Variants in WWOX observed in about 807,000 individuals in gnomAD.
WWOX encodes WW domain-containing oxidoreductase.
A neutral mutation model predicts 46.2 loss-of-function variants in WWOX; 69 were observed. The ratio of observed to expected loss-of-function variants is 1.49; its 90% confidence interval spans 1.23 to 1.82. WWOX has a LOEUF of 1.82. Among genes scored for constraint, WWOX ranks in the 40% most tolerant of loss-of-function variants. The pLI is 0.00. For missense variants in WWOX, 919 were observed against 542.6 expected (o/e 1.69, Z -6.89); for synonymous variants, 359 against 202.6 (o/e 1.77, Z -6.56).
intron 8 of WWOX, among the ~76,000 whole-genome samples, chr16:78,677,579 C>T (rs968482648): frequency 6.6e-6 from 1 of 152,304 alleles, no homozygotes; most frequent in Admixed American, 6.5e-5. Flanking sequence ...CATGCAACCC[C>T]CAAAACTCCA....
At chr16:78,631,864 T>C (rs1315060526) in intron 8 of WWOX, among the ~76,000 whole-genome samples, 3 of 152,206 alleles carry the variant, frequency 2.0e-5, no homozygotes, top group African/African-American at 7.2e-5. Flanking sequence ...TAGGAGAAGC[T>C]TGCTCTCTTT....
At chr16:79,210,065 G>C (rs571548770) in intron 8 of WWOX, among the ~76,000 whole-genome samples, 2 of 152,186 alleles carry the variant, frequency 1.3e-5, no homozygotes, top group East Asian at 1.9e-4. Context: ...TTCAGGACCA[G>C]TGGAACTTGT....
At chr16:79,067,534 G>C (rs1299548759) in intron 8 of WWOX, among the ~76,000 whole-genome samples, 15 of 148,910 alleles carry the variant, frequency 1.0e-4, no homozygotes, top group Non-Finnish European at 1.5e-5. Flanking sequence ...CTCCTCACTA[G>C]AGACCTTCCC....
At chr16:79,034,928 T>G (rs928736481) in intron 8 of WWOX, among the ~76,000 whole-genome samples, 2 of 152,182 alleles carry the variant, frequency 1.3e-5, no homozygotes, top group African/African-American at 4.8e-5. Context: ...GCAAATGATC[T>G]TCTAGTAGGA....
chr16:78,760,379 C>T (rs1597564739), intron 8 of WWOX, among the ~76,000 whole-genome samples: 2 of 152,130 alleles, frequency 1.3e-5, no homozygotes, highest in Non-Finnish European at 2.9e-5. Flanking sequence ...ACAGCCAAAC[C>T]ATATCACAGG....
At chr16:78,331,967 C>G (rs1385231959) in intron 5 of WWOX, among the ~76,000 whole-genome samples, 1 of 152,106 alleles carries the variant, frequency 6.6e-6, no homozygotes, top group Non-Finnish European at 1.5e-5. Flanking sequence ...TAGCTGACTC[C>G]AAAGCTGTGT....
At chr16:78,586,253 T>C (rs951671209) in intron 8 of WWOX, among the ~76,000 whole-genome samples, 1 of 152,160 alleles carries the variant, frequency 6.6e-6, no homozygotes, top group Admixed American at 6.6e-5. Context: ...GCCAAGATCA[T>C]GCCACTGCAT....
intron 8 of WWOX, among the ~76,000 whole-genome samples, chr16:78,978,749 G>A (rs2046621992): frequency 6.6e-6 from 1 of 152,188 alleles, no homozygotes; most frequent in South Asian, 2.1e-4. Context: ...CGAATCGCAT[G>A]AGAACTCTCT....
intron 8 of WWOX, among the ~76,000 whole-genome samples, chr16:78,694,861 A>C (rs981960005): frequency 4.0e-5 from 6 of 151,374 alleles, no homozygotes; most frequent in African/African-American, 1.5e-4. Context: ...ATGTATCTTT[A>C]CATCTGCTTC....
At chr16:78,781,840 G>A (rs561787340) in intron 8 of WWOX, among the ~76,000 whole-genome samples, 3 of 152,302 alleles carry the variant, frequency 2.0e-5, no homozygotes, top group Admixed American at 6.5e-5. Context: ...TGACGATGAT[G>A]GTAGCAGTTA....
intron 8 of WWOX, among the ~76,000 whole-genome samples, chr16:78,914,066 A>G (rs2045182187): frequency 6.6e-6 from 1 of 152,050 alleles, no homozygotes; most frequent in Non-Finnish European, 1.5e-5. Flanking sequence ...CTGCATTTGG[A>G]AATGGAGTAT....
intron 8 of WWOX, among the ~76,000 whole-genome samples, chr16:78,538,673 T>C (rs1263333907): frequency 6.6e-6 from 1 of 152,236 alleles, no homozygotes; most frequent in Non-Finnish European, 1.5e-5. Flanking sequence ...GAATTTTTCA[T>C]AACCCTTTAC....
chr16:78,995,904 G>C (rs755021283), intron 8 of WWOX, among the ~76,000 whole-genome samples: 2 of 152,112 alleles, frequency 1.3e-5, no homozygotes, highest in Non-Finnish European at 1.5e-5. Context: ...ATTTCCAAAC[G>C]ATTTTGCGTT....
chr16:78,165,021 G>C (rs77754442), intron 5 of WWOX, among the ~76,000 whole-genome samples: 13,521 of 152,176 alleles, frequency 0.089, 890 homozygotes, highest in East Asian at 0.27. Context: ...AAGAGCATAT[G>C]CTAAGGCTCA....
intron 5 of WWOX, among the ~76,000 whole-genome samples, chr16:78,282,193 T>A (rs1014309881): frequency 2.0e-5 from 3 of 152,120 alleles, no homozygotes; most frequent in African/African-American, 7.2e-5. Context: ...CGTTCCCTAA[T>A]GGTAAAATGA....
At chr16:78,121,664 C>T (rs2033099109) in intron 4 of WWOX, among the ~76,000 whole-genome samples, 1 of 151,048 alleles carries the variant, frequency 6.6e-6, no homozygotes, top group Middle Eastern at 3.4e-3. Flanking sequence ...CGTGGTGTTT[C>T]AGTTTTTTTT....
At chr16:78,256,879 G>C (rs1451855338) in intron 5 of WWOX, among the ~76,000 whole-genome samples, 1 of 151,904 alleles carries the variant, frequency 6.6e-6, no homozygotes, top group Non-Finnish European at 1.5e-5. Flanking sequence ...TTGACCAACT[G>C]AGTTGTTCAG....
At chr16:78,851,656 T>C (rs1292032742) in intron 8 of WWOX, among the ~76,000 whole-genome samples, 1 of 152,198 alleles carries the variant, frequency 6.6e-6, no homozygotes, top group Non-Finnish European at 1.5e-5. Flanking sequence ...GCTCAATAAA[T>C]CTTGGCTGAG....
chr16:78,337,415 G>T (rs773417742), intron 5 of WWOX, among the ~76,000 whole-genome samples: 5 of 152,114 alleles, frequency 3.3e-5, no homozygotes, highest in Non-Finnish European at 1.5e-5. Flanking sequence ...CCTGCCCCTG[G>T]TATGAGGGTA....
Sources: allele counts gnomAD v4.1 joint callset (sites outside exome capture counted in the v4.1 genomes callset), GRCh38; gene constraint gnomAD v4.1.1; transcripts MANE v1.5; gene names NCBI Gene and HGNC (gene_info 2026-07-23, HGNC 2026-07-21).